Variants in SESN1 observed in about 807,000 individuals in gnomAD.
SESN1 encodes sestrin-1.
A neutral mutation model predicts 59.3 loss-of-function variants in SESN1; 30 were observed. The observed-to-expected ratio is 0.51, with a 90% CI of 0.38 to 0.69. SESN1 has a LOEUF of 0.69. Among genes scored for constraint, SESN1 ranks in the 30% least tolerant of loss-of-function variants. The probability of loss-of-function intolerance (pLI) is 0.00; values close to 1 mark genes in which losing one functional copy is unlikely to be tolerated. For synonymous variants in SESN1, 197 were observed against 219.9 expected (o/e 0.90, Z 0.92); for missense variants, 566 against 673.0 (o/e 0.84, Z 1.76).
intron 1 of SESN1, among the ~76,000 whole-genome samples, chr6:109,016,337 G>A (rs1289024316): frequency 6.6e-6 from 1 of 152,152 alleles, no homozygotes; most frequent in Non-Finnish European, 1.5e-5. Context: ...GTGGTGAATA[G>A]AATTCTGCAA....
chr6:109,009,952 A>C (rs559793775), intron 1 of SESN1, among the ~76,000 whole-genome samples: 4 of 152,252 alleles, frequency 2.6e-5, no homozygotes, highest in Admixed American at 2.6e-4. Flanking sequence ...AAGTTCTCTA[A>C]ATTCGATAAA....
At chr6:109,080,593 T>C (rs72937064) in intron 1 of SESN1, among the ~76,000 whole-genome samples, 20,457 of 152,228 alleles carry the variant, frequency 0.13, 1,907 homozygotes, top group Non-Finnish European at 0.21. Context: ...GAATGTGGTT[T>C]CCCCTAGAAA....
chr6:109,041,366 C>T (rs928094814), intron 1 of SESN1, among the ~76,000 whole-genome samples: 3 of 151,816 alleles, frequency 2.0e-5, no homozygotes, highest in Non-Finnish European at 2.9e-5. Context: ...TAGCAGATGA[C>T]CTTTTGCTAT....
rs1343264821 is a variant in SESN1, at chr6:108,991,264, C to T, written c.1234-429G>A. ...GTGTGTGTGTGTGTGTTTTAAGAGA[C>T]AAGGTCTCACTATGTTGTCCAGGCT... On this transcript the variant is annotated intron_variant, in intron 7 of 9. Transcript: ENST00000436639. Among the ~76,000 whole-genome samples the T allele has an allele frequency of 3.3e-5, 5 of 151,886 alleles. No homozygotes were observed. The East Asian group carries it at 9.7e-4, about 29-fold the overall frequency.
At chr6:109,080,718 G>A (rs904752860) in intron 1 of SESN1, among the ~76,000 whole-genome samples, 2 of 152,124 alleles carry the variant, frequency 1.3e-5, no homozygotes, top group Non-Finnish European at 2.9e-5. Context: ...ATGTTGGAAA[G>A]CACAGACTCT....
intron 7 of SESN1, among the ~76,000 whole-genome samples, chr6:108,992,383 C>T (rs903127167): frequency 4.6e-5 from 7 of 152,154 alleles, no homozygotes; most frequent in Admixed American, 2.0e-4. Context: ...TCCCAAGGTG[C>T]TGGGATCACA....
At chr6:109,017,131 A>G (rs974341210) in intron 1 of SESN1, among the ~76,000 whole-genome samples, 12 of 152,162 alleles carry the variant, frequency 7.9e-5, no homozygotes, top group African/African-American at 2.7e-4. Context: ...GACAAACATG[A>G]ACTGTTGTAG....
At chr6:109,064,643 A>G (rs1474795587) in intron 1 of SESN1, among the ~76,000 whole-genome samples, 35 of 2,634 alleles carry the variant, frequency 0.013, no homozygotes, top group Admixed American at 0.016. Context: ...GGGAGAGGAG[A>G]GGTGGGGTGG....
At chr6:109,080,444 G>A (rs566783663) in intron 1 of SESN1, among the ~76,000 whole-genome samples, 4 of 152,092 alleles carry the variant, frequency 2.6e-5, no homozygotes, top group Admixed American at 6.5e-5. Context: ...GAATCCTTGC[G>A]ATCAGGCAAC....
At chr6:109,038,001 G>C (rs916628475) in intron 1 of SESN1, among the ~76,000 whole-genome samples, 1 of 152,122 alleles carries the variant, frequency 6.6e-6, no homozygotes, top group African/African-American at 2.4e-5. Flanking sequence ...TCAAACCTTA[G>C]GTAGGCATTT....
chr6:109,013,665 A>C (rs1779892830), intron 1 of SESN1, among the ~76,000 whole-genome samples: 1 of 152,246 alleles, frequency 6.6e-6, no homozygotes, highest in African/African-American at 2.4e-5. Flanking sequence ...ATTATACTTA[A>C]TGCAGTAATT....
intron 5 of SESN1, 136 bp downstream of exon 5, chr6:108,998,377 G>T: frequency 2.1e-6 from 2 of 954,096 alleles, no homozygotes; most frequent in Non-Finnish European, 3.1e-6. Flanking sequence ...AAACCCTACT[G>T]AATGAATAGA....
chr6:108,990,552 T>C, intron 8 of SESN1, 93 bp downstream of exon 8: 1 of 1,116,486 alleles, frequency 9.0e-7, no homozygotes, highest in Non-Finnish European at 1.3e-6. Context: ...GGGTTTTGAT[T>C]ATGTGTGTGT....
chr6:109,061,401 A>T (rs1207137944), intron 1 of SESN1, among the ~76,000 whole-genome samples: 6 of 152,256 alleles, frequency 3.9e-5, no homozygotes, highest in East Asian at 1.9e-4. Flanking sequence ...GTTATAATTT[A>T]AAAATGTACC....
chr6:109,086,447 A>G (rs1781214748), intron 1 of SESN1, among the ~76,000 whole-genome samples: 2 of 152,260 alleles, frequency 1.3e-5, no homozygotes, highest in African/African-American at 4.8e-5. Flanking sequence ...AGTTTGAATT[A>G]TTAATTACCT....
intron 6 of SESN1, among the ~76,000 whole-genome samples, chr6:108,994,042 A>G (rs1420263473): frequency 6.6e-6 from 1 of 150,626 alleles, no homozygotes; most frequent in Non-Finnish European, 1.5e-5. Flanking sequence ...CAGGAAGCTG[A>G]GGCAGGATGA....
At position 109,019,670 on chromosome 6, in the gene SESN1, A is replaced by G. The variant is rs145645710; in HGVS notation, c.280-17327T>C. 1.1e-3 allele frequency among the ~76,000 whole-genome samples: 162 copies of G among 152,190 alleles called. 1 individual carries two copies. Among genetic ancestry groups the G allele is most frequent in the African/African-American group, 3.5e-3 (146 of 41,536 alleles). ...ATCATAAAAATTTGACCTAATAACT[A>G]TTTTCATATTACATTTCAATTGAAA... On this transcript the variant is annotated intron_variant, in intron 1 of 9. Transcript: ENST00000436639.
chr6:109,006,828 C>A lies in SESN1; in HGVS notation c.280-4485G>T, dbSNP rs140921373. On this transcript the variant is annotated intron_variant, in intron 1 of 9. Transcript: ENST00000436639. The stretch of plus-strand genomic sequence containing the variant: ...CACTGCGGGTGTTCAATGGGGTGAT[C>A]ATAAGCCAAACTAAATACATTTCAT... Among the ~76,000 whole-genome samples, 308 of 152,300 alleles carry A rather than the reference C, an allele frequency of 2.0e-3. 2 individuals carry two copies. The highest frequency in any genetic ancestry group is 7.1e-3 in the African/African-American group (295 of 41,566).
At chr6:109,042,322 GAATC>G (rs1780355834) in intron 1 of SESN1, among the ~76,000 whole-genome samples, 1 of 151,620 alleles carries the variant, frequency 6.6e-6, no homozygotes, top group African/African-American at 2.4e-5. Flanking sequence ...TATAAACTGA[GAATC>G]AAGCAGACAG....
Sources: allele counts gnomAD v4.1 joint callset (sites outside exome capture counted in the v4.1 genomes callset), GRCh38; gene constraint gnomAD v4.1.1; transcripts MANE v1.5; gene names NCBI Gene and HGNC (gene_info 2026-07-23, HGNC 2026-07-21).